DBR1: variants seen among roughly 807,000 people sequenced by gnomAD.
DBR1 encodes lariat debranching enzyme.
In DBR1, 33 loss-of-function variants were observed where a neutral mutation model predicts 45.9. That is an observed-to-expected ratio of 0.72 (90% CI 0.55 to 0.96). The LOEUF (loss-of-function observed/expected upper bound fraction) is 0.96, where lower values mean the gene tolerates loss of function less well. DBR1 is among the 40% of genes least tolerant of loss of function. DBR1 has a pLI of 0.00. For missense variants in DBR1, 619 were observed against 667.4 expected, an observed-to-expected ratio of 0.93 and a Z score of 0.80; for synonymous variants, 235 against 235.9, an observed-to-expected ratio of 1.00 and a Z score of 0.04.
rs2042911342 is a variant in DBR1, at chr3:138,162,270, T to C, written c.1254A>G (p.Thr418=). Residue 418 remains threonine, a synonymous_variant, in exon 8 of 8, where the codon ACA becomes ACG. Transcript: ENST00000260803. Reference sequence around the variant, plus strand: ...CTGGATTAATAGAAGACAGAGCAGATGTGTCTGTATTATATTCACTCTGGT... The same window carrying C: ...CTGGATTAATAGAAGACAGAGCAGACGTGTCTGTATTATATTCACTCTGGT... The part of the protein sequence containing the change: ...GEDQSEYNTD[T]SALSSINPDE... The C allele has an allele frequency of 6.2e-7, 1 of 1,614,056 alleles. No individual in the cohort carries two copies. The highest frequency in any genetic ancestry group is 1.1e-5 in the South Asian group (1 of 91,084).
rs1232219375 is a variant in DBR1, at chr3:138,163,386, G to A, written c.904C>T (p.Leu302=). 1.2e-6 allele frequency: 2 copies of A among 1,613,716 alleles called. No homozygotes were observed. The highest frequency in any genetic ancestry group is 1.3e-5 in the African/African-American group (1 of 74,904). The stretch of plus-strand genomic sequence containing the variant: ...CCATTATTTTCTGGCATATTCCACA[G>A]GCGCCCAGTCACATTAATAAGATCA... ...TDDLINVTGR[L]WNMPENNGLH... The change falls in exon 7 of 8, where the codon CTG becomes TTG. Residue 302 remains leucine, a synonymous_variant. Coordinates refer to ENST00000260803, the MANE Select transcript of DBR1 (RefSeq NM_016216.4).
Position 138,162,337 on chromosome 3 carries a change from T to C in DBR1, c.1187A>G (p.Tyr396Cys), listed in dbSNP as rs762676910. ...SKEEHHVCGE[Y>C]EEQDDVESND... ...ACTCTCCACATCATCCTGTTCTTCATATTCACCACACACATGATGTTCTTC... is the reference window on the plus strand; with the variant it reads ...ACTCTCCACATCATCCTGTTCTTCACATTCACCACACACATGATGTTCTTC... Residue 396 changes from tyrosine (Y) to cysteine (C), a missense_variant, in exon 8 of 8, where the codon TAT becomes TGT. By Grantham distance (194) the Tyr-to-Cys change is radical (BLOSUM62 -2). Coordinates refer to ENST00000260803, the MANE Select transcript of DBR1 (RefSeq NM_016216.4). 5.0e-6 allele frequency: 8 copies of C among 1,614,098 alleles called. No homozygotes were observed. In the African/African-American group the frequency reaches 9.3e-5, roughly 19 times the overall value.
At chr3:138,173,243 G>A (rs1479690495) in intron 2 of DBR1, among the ~76,000 whole-genome samples, 1 of 151,976 alleles carries the variant, frequency 6.6e-6, no homozygotes, top group Non-Finnish European at 1.5e-5. Flanking sequence ...AAAATTGTAA[G>A]AAAAAATGAA....
chr3:138,173,087 CA>C (rs374615762), intron 2 of DBR1, among the ~76,000 whole-genome samples: 2,452 of 134,680 alleles, frequency 0.018, 57 homozygotes, highest in African/African-American at 0.061. Context: ...TCTCTTCCCA[CA>C]AAAAAAAAAA....
chr3:138,163,856 T>C lies in DBR1; in HGVS notation c.717A>G (p.Ala239=). The C allele has an allele frequency of 6.2e-7, 1 of 1,609,592 alleles. No homozygotes were observed. The highest frequency in any genetic ancestry group is 8.5e-7 in the Non-Finnish European group (1 of 1,176,244). ...VKFAALMQHQ[A]KDKGQTARAT... ...CTCTGGCTGTCTGTCCTTTATCCTTTGCCTGGACAATATGAATCATGATTT... is the reference window on the plus strand; with the variant it reads ...CTCTGGCTGTCTGTCCTTTATCCTTCGCCTGGACAATATGAATCATGATTT... The change falls in exon 6 of 8, where the codon GCA becomes GCG. Residue 239 remains alanine, a splice_region_variant and synonymous_variant. Transcript: ENST00000260803.
At chr3:138,170,807 T>C (rs2042950414) in intron 3 of DBR1, among the ~76,000 whole-genome samples, 1 of 152,208 alleles carries the variant, frequency 6.6e-6, no homozygotes. Context: ...TATAATTCAT[T>C]CAGACACAAT....
At position 138,162,591 on chromosome 3, in the gene DBR1, G is replaced by A. The variant is rs1438508038; in HGVS notation, c.942-9C>T. On this transcript the variant is annotated splice_polypyrimidine_tract_variant and intron_variant, in intron 7 of 7. Coordinates refer to ENST00000260803, the MANE Select transcript of DBR1 (RefSeq NM_016216.4). ...TTGCACTATAATCCCACCTATAAAA[G>A]TACAAAACAATAGCTTTTTACATTT... The A allele has an allele frequency of 1.9e-6, 3 of 1,594,502 alleles. No individual in the cohort carries two copies. Among genetic ancestry groups the A allele is most frequent in the African/African-American group, 2.7e-5 (2 of 74,378 alleles).
In DBR1 at chr3:138,165,804, C is replaced by G. The variant is rs17282656; in HGVS notation, c.714+1277G>C. On this transcript the variant is annotated intron_variant, in intron 5 of 7. Transcript: ENST00000260803. ...GCAAAGCAGTCCAAGGAAAAGTGAT[C>G]TCTGGTGTTGGTAAAGGGGATAAAA... 2.4e-3 allele frequency among the ~76,000 whole-genome samples: 369 copies of G among 152,210 alleles called. 2 individuals are homozygous for G. Among genetic ancestry groups the G allele is most frequent in the Middle Eastern group, 6.9e-3 (2 of 290 alleles).
In DBR1 at chr3:138,161,901, G is replaced by GTCA; in HGVS notation, c.1620_1622dup (p.Asp542dup). On this transcript the variant is annotated inframe_insertion, in exon 8 of 8. Coordinates refer to ENST00000260803, the MANE Select transcript of DBR1 (RefSeq NM_016216.4). ...CAAGTAAATCATCTTAAGCTGCATC[G>GTCA]TCATCATCATCATCCACTGCAGCGT... 2 of 1,593,520 alleles carry GTCA rather than the reference G, an allele frequency of 1.3e-6. No individual in the cohort carries two copies. Among genetic ancestry groups the GTCA allele is most frequent in the African/African-American group, 1.3e-5 (1 of 74,656 alleles).
At position 138,161,656 on chromosome 3, in the gene DBR1, G is replaced by C; in HGVS notation, c.*233C>G. On this transcript the variant is annotated 3_prime_UTR_variant, in exon 8 of 8. Coordinates refer to ENST00000260803, the MANE Select transcript of DBR1 (RefSeq NM_016216.4). Reference sequence around the variant, plus strand: ...AGGTCAGGAGTTGGAGACCAGCCTGGCCAACACGGTGAAACCCTGTCATTA... The same window carrying C: ...AGGTCAGGAGTTGGAGACCAGCCTGCCCAACACGGTGAAACCCTGTCATTA... The C allele has an allele frequency of 2.3e-6, 1 of 428,540 alleles. No homozygotes were observed. The allele number at this position is 428,540 out of a possible 1,614,324, so 26.5% of individuals were successfully genotyped here. A position where few individuals can be genotyped will look rare whatever the true frequency, so the allele number is the denominator to read the frequency against.
Position 138,170,101 on chromosome 3 carries a change from A to G in DBR1, c.489+6T>C. On this transcript the variant is annotated splice_donor_region_variant and intron_variant, in intron 4 of 7. Coordinates refer to ENST00000260803, the MANE Select transcript of DBR1 (RefSeq NM_016216.4). ...TCAAGTCTGCTGTAATGCGCTTTTT[A>G]CGTACCTGTTTTAATTTATAGACTT... 6.5e-7 allele frequency: 1 copy of G among 1,534,986 alleles called. No homozygotes were observed. The highest frequency in any genetic ancestry group is 9.0e-7 in the Non-Finnish European group (1 of 1,115,084).
intron 1 of DBR1, among the ~76,000 whole-genome samples, 177 bp from the exon 2 acceptor site, chr3:138,173,803 G>A (rs772991547): frequency 6.6e-6 from 1 of 151,990 alleles, no homozygotes; most frequent in Non-Finnish European, 1.5e-5. Flanking sequence ...TTTGATGGCC[G>A]ACACAGGCGG....
chr3:138,165,677 G>C (rs1270285815), intron 5 of DBR1, among the ~76,000 whole-genome samples: 1 of 151,572 alleles, frequency 6.6e-6, no homozygotes, highest in African/African-American at 2.4e-5. Context: ...TGCAGTGAGT[G>C]GAGATCGCGC....
chr3:138,174,679 G>C lies in DBR1; in HGVS notation c.117C>G (p.Asp39Glu). 3 of 1,612,838 alleles carry C rather than the reference G, an allele frequency of 1.9e-6. No individual in the cohort carries two copies. Among genetic ancestry groups the C allele is most frequent in the Non-Finnish European group, 2.5e-6 (3 of 1,179,608 alleles). ...CCGCCTCGTTGCGCACCGCCTGGAA[G>C]TCGCCGCAGCACAGCAAGAGGTCGA... ...GPVDLLLCCGDFQAVRNEADL... is the reference protein window; with the variant it reads ...GPVDLLLCCGEFQAVRNEADL... Residue 39 changes from aspartate to glutamate, a missense_variant, in exon 1 of 8, where the codon GAC (aspartate) becomes GAG (glutamate). This residue lies in a region of DBR1 where 430 missense variants were observed against 447.7 expected (regional missense o/e 0.96). Transcript: ENST00000260803.
rs1172154897 is a variant in DBR1, at chr3:138,162,109, G to A, written c.1415C>T (p.Pro472Leu). Reference protein sequence around the residue: ...SASFSDVRILPGSMIVSSDDT... With the variant: ...SASFSDVRILLGSMIVSSDDT... ...ATCAGAAGATACAATCATAGAGCCTGGCAAGATCCTGACATCAGAGAAACT... is the reference window on the plus strand; with the variant it reads ...ATCAGAAGATACAATCATAGAGCCTAGCAAGATCCTGACATCAGAGAAACT... The change falls in exon 8 of 8, where the codon CCA becomes CTA. Residue 472 changes from proline to leucine, a missense_variant. Coordinates refer to ENST00000260803, the MANE Select transcript of DBR1 (RefSeq NM_016216.4). 1.2e-6 allele frequency: 2 copies of A among 1,614,124 alleles called. No individual in the cohort carries two copies. Among genetic ancestry groups the A allele is most frequent in the Admixed American group, 1.7e-5 (1 of 60,020 alleles).
chr3:138,163,888 G>C, intron 5 of DBR1, 30 bp from the exon 6 acceptor site: 1 of 1,534,080 alleles, frequency 6.5e-7, no homozygotes, highest in African/African-American at 1.4e-5. Context: ...ATTTAAGAAA[G>C]AATGTTAAAA....
At chr3:138,174,458 C>T (rs954491884) in intron 1 of DBR1, 141 bp downstream of exon 1, 3 of 867,180 alleles carry the variant, frequency 3.5e-6, no homozygotes, top group Non-Finnish European at 5.3e-6. Context: ...CCTCCCACTA[C>T]CTCACCCCTG....
chr3:138,162,601 A>G lies in DBR1; in HGVS notation c.942-19T>C, dbSNP rs1576532226. ...ATCCCACCTATAAAAGTACAAAACA[A>G]TAGCTTTTTACATTTTATCAGCTCT... On this transcript the variant is annotated intron_variant, in intron 7 of 7. Coordinates refer to ENST00000260803, the MANE Select transcript of DBR1 (RefSeq NM_016216.4). The G allele has an allele frequency of 7.0e-6, 11 of 1,576,890 alleles. No homozygotes were observed. The highest frequency in any genetic ancestry group is 9.6e-6 in the Non-Finnish European group (11 of 1,151,702).
chr3:138,174,823 C>T lies in DBR1; in HGVS notation c.-28G>A, dbSNP rs1363443690. 1.2e-5 allele frequency: 19 copies of T among 1,596,600 alleles called. No homozygotes were observed. The East Asian group carries it at 4.1e-4, about 34-fold the overall frequency. On this transcript the variant is annotated 5_prime_UTR_variant, in exon 1 of 8. Coordinates refer to ENST00000260803, the MANE Select transcript of DBR1 (RefSeq NM_016216.4). Reference sequence around the variant, plus strand: ...TGCCGGCCTGAGGAGGTGAGCGCTGCCTGCAACGCCCTACACCACAGCCAG... The same window carrying T: ...TGCCGGCCTGAGGAGGTGAGCGCTGTCTGCAACGCCCTACACCACAGCCAG...
Sources: allele counts gnomAD v4.1 joint callset (sites outside exome capture counted in the v4.1 genomes callset), GRCh38; gene constraint gnomAD v4.1.1; regional missense constraint gnomAD v4.1.1; transcripts MANE v1.5; gene names NCBI Gene and HGNC (gene_info 2026-07-23, HGNC 2026-07-21).